The following TEF variants were observed in gnomAD, a reference collection of about 807,000 sequenced individuals.
TEF encodes thyrotroph embryonic factor.
TEF carries 3 observed loss-of-function variants against 20.8 expected under a neutral mutation model. The observed-to-expected ratio is 0.14, with a 90% CI of 0.07 to 0.37. TEF has a LOEUF of 0.37. Among genes scored for constraint, TEF ranks in the 10% least tolerant of loss-of-function variants. The pLI is 1.00. For missense variants in TEF, 296 were observed against 397.9 expected (o/e 0.74, Z 2.18); for synonymous variants, 180 against 171.1 (o/e 1.05, Z -0.41).
At chr22:41,368,740 A>G (rs2036848409) in intron 1 of TEF, among the ~76,000 whole-genome samples, 1 of 151,890 alleles carries the variant, frequency 6.6e-6, no homozygotes, top group Non-Finnish European at 1.5e-5. Flanking sequence ...CTCCGACCAC[A>G]CTCCATGCTG....
chr22:41,394,323 T>C lies in TEF; in HGVS notation c.696+7T>C. 2 of 1,611,284 alleles carry C rather than the reference T, an allele frequency of 1.2e-6. No homozygotes were observed. Among genetic ancestry groups the C allele is most frequent in the Non-Finnish European group, 1.7e-6 (2 of 1,178,246 alleles). ...TGTCCCCGACGAGCAGAAGGTAACC[T>C]GGTATTCCTTATAAATAAAGATGCA... On this transcript the variant is annotated splice_region_variant and intron_variant, in intron 3 of 3. Coordinates refer to ENST00000266304, the MANE Select transcript of TEF (RefSeq NM_003216.4).
chr22:41,368,611 A>G (rs1425937700), intron 1 of TEF, among the ~76,000 whole-genome samples: 1 of 152,134 alleles, frequency 6.6e-6, no homozygotes, highest in Non-Finnish European at 1.5e-5. Flanking sequence ...GGGCTAAGCC[A>G]GGAAAGGAGG....
chr22:41,367,507 G>C (rs749556059), exon 1 of TEF: 6 of 1,550,012 alleles, frequency 3.9e-6, no homozygotes, highest in Non-Finnish European at 1.7e-6. Context: ...TGTGTGAGCT[G>C]CGACTGGTTC....
chr22:41,369,179 A>C, intron 1 of TEF: 1 of 985,354 alleles, frequency 1.0e-6, no homozygotes, highest in Non-Finnish European at 1.2e-6. Flanking sequence ...GAGGATAACA[A>C]GGCCTTTGAA....
chr22:41,381,411 C>T (rs1261402057), upstream of TEF, among the ~76,000 whole-genome samples: 1 of 152,154 alleles, frequency 6.6e-6, no homozygotes, highest in Non-Finnish European at 1.5e-5. Context: ...CTGCCCCCTC[C>T]CCCCGCGACC....
At chr22:41,369,898 CTT>C in intron 1 of TEF, 6 of 985,400 alleles carry the variant, frequency 6.1e-6, no homozygotes, top group Non-Finnish European at 7.2e-6. Flanking sequence ...GCAGTTATCT[CTT>C]TGGATGACTG....
intron 2 of TEF, among the ~76,000 whole-genome samples, chr22:41,393,437 C>G (rs937893565): frequency 6.6e-6 from 1 of 151,672 alleles, no homozygotes; most frequent in African/African-American, 2.4e-5. Context: ...ATCTTGAAAT[C>G]ACAGGAAGTT....
At chr22:41,377,124 T>G (rs2036951680), upstream of TEF, 1 of 152,248 alleles carries the variant, frequency 6.6e-6, no homozygotes, top group African/African-American at 2.4e-5. Context: ...CTCAGCCTCC[T>G]GAGTAGCTAG....
At position 41,387,538 on chromosome 22, in the gene TEF, C is replaced by T; in HGVS notation, c.345C>T (p.Thr115=). Residue 115 remains threonine, a synonymous_variant, in exon 2 of 4, where the codon ACC becomes ACT. Transcript: ENST00000266304. ...AGAATGGCATCCCCGCCAGCCCCAC[C>T]CACCTGGCCCACAACCTGCTGCTGC... ...LLENGIPASP[T]HLAHNLLLPV... The T allele has an allele frequency of 1.9e-6, 3 of 1,614,212 alleles. No individual in the cohort carries two copies. The highest frequency in any genetic ancestry group is 2.5e-6 in the Non-Finnish European group (3 of 1,180,032).
At chr22:41,381,764 T>C (rs1224674847), upstream of TEF, among the ~76,000 whole-genome samples, 1 of 151,616 alleles carries the variant, frequency 6.6e-6, no homozygotes, top group Admixed American at 6.6e-5. Context: ...GTCTATCTTA[T>C]CCCGGCTGCC....
rs377648792 is a variant in TEF, at chr22:41,370,026, G to C, written c.67+2427G>C. ...CAGTGGGAGGGAAGTGTACAGGAAA[G>C]TCTGCGGAGTGTGAGAAACTCCAGG... On this transcript the variant is annotated intron_variant, in intron 1 of 3. Coordinates refer to the TEF transcript ENST00000406644. 9.1e-6 allele frequency: 9 copies of C among 985,412 alleles called. No individual in the cohort carries two copies. The East Asian group carries it at 3.4e-4, about 37-fold the overall frequency. The allele number at this position is 985,412 out of a possible 1,614,324, so 61.0% of individuals were successfully genotyped here.
At chr22:41,381,457 T>C (rs5758321), upstream of TEF, among the ~76,000 whole-genome samples, 116,311 of 151,990 alleles carry the variant, frequency 0.77, 44,931 homozygotes, top group African/African-American at 0.85. Flanking sequence ...CCGCGGGGGG[T>C]GGACACGCCG....
intron 1 of TEF, among the ~76,000 whole-genome samples, chr22:41,376,528 T>G (rs2036944128): frequency 6.6e-6 from 1 of 152,204 alleles, no homozygotes; most frequent in South Asian, 2.1e-4. Context: ...GTGCCAGGCC[T>G]GAACAAAGTT....
chr22:41,379,347 GA>G (rs111846032), upstream of TEF, among the ~76,000 whole-genome samples: 16 of 144,888 alleles, frequency 1.1e-4, no homozygotes, highest in Non-Finnish European at 2.0e-4. Context: ...TCGGAAAAAA[GA>G]AAAAAAAAAT....
intron 1 of TEF, among the ~76,000 whole-genome samples, chr22:41,370,498 C>T (rs1327341854): frequency 6.8e-6 from 1 of 146,760 alleles, no homozygotes; most frequent in Non-Finnish European, 1.5e-5. Flanking sequence ...CTGTAACCTC[C>T]ACCTCCCGTG....
chr22:41,385,829 C>A (rs1488256780), intron 1 of TEF, among the ~76,000 whole-genome samples: 1 of 152,014 alleles, frequency 6.6e-6, no homozygotes, highest in South Asian at 2.1e-4. Context: ...GGATTACAGG[C>A]GCCCACCACC....
chr22:41,385,346 G>C (rs1051102876), intron 1 of TEF, among the ~76,000 whole-genome samples: 2 of 151,960 alleles, frequency 1.3e-5, no homozygotes, highest in Non-Finnish European at 2.9e-5. Flanking sequence ...GGCAACAAGA[G>C]CGAAACTCCT....
At chr22:41,389,418 G>A (rs1370589334) in intron 2 of TEF, among the ~76,000 whole-genome samples, 6 of 151,104 alleles carry the variant, frequency 4.0e-5, no homozygotes, top group Admixed American at 6.6e-5. Context: ...AAAAAAGATC[G>A]AGACCATCCT....
At chr22:41,395,574 G>A (rs1035629998) in intron 3 of TEF, among the ~76,000 whole-genome samples, 171 bp from the exon 4 acceptor site, 1 of 152,084 alleles carries the variant, frequency 6.6e-6, no homozygotes, top group South Asian at 2.1e-4. Flanking sequence ...CTGCCCCCGA[G>A]GAAAGGGCAG....
Sources: gnomAD v4.1 joint callset for allele counts (sites outside exome capture counted in the v4.1 genomes callset) on GRCh38, gnomAD v4.1.1 for gene constraint, MANE v1.5 for transcripts, NCBI Gene and HGNC (gene_info 2026-07-23, HGNC 2026-07-21) for gene names.